GTSF1: variants seen among roughly 807,000 people sequenced by gnomAD.
The protein encoded by GTSF1 is gametocyte specific factor 1.
Under a neutral mutation model 28.9 loss-of-function variants are expected in GTSF1, and 11 were observed. The observed-to-expected ratio is 0.38, with a 90% CI of 0.24 to 0.63. The LOEUF is 0.63. Ranked by LOEUF, GTSF1 falls within the 30% of genes least tolerant of loss-of-function variation. The pLI is 0.56. For missense variants in GTSF1, 146 were observed against 201.0 expected, an observed-to-expected ratio of 0.73 and a Z score of 1.66; for synonymous variants, 69 against 65.6, an observed-to-expected ratio of 1.05 and a Z score of -0.25.
chr12:54,463,054 G>A (rs1565659057), intron 4 of GTSF1, 117 bp downstream of exon 4: 1 of 998,428 alleles, frequency 1.0e-6, no homozygotes, highest in African/African-American at 1.6e-5. Context: ...CTCAAAGGTG[G>A]AAAAGTATTG....
rs2120748544 is a variant in GTSF1, at chr12:54,462,171, A to C, written c.330T>G (p.Asp110Glu). 2 of 1,612,714 alleles carry C rather than the reference A, an allele frequency of 1.2e-6. No homozygotes were observed. The highest frequency in any genetic ancestry group is 2.2e-5 in the South Asian group (2 of 91,040). ...CPPCDEDWDK[D>E]LWEQTSTPFV... ...ATGGGGTGCTGGTCTGCTCCCACAA[A>C]TCTGTTAAAGGAAGCAAAACATAGT... is the stretch of plus-strand genomic sequence containing the variant. The change falls in exon 6 of 9, where the codon GAT (aspartate) becomes GAG (glutamate). Residue 110 changes from aspartate to glutamate, a missense_variant and splice_region_variant. Coordinates refer to ENST00000305879, the MANE Select transcript of GTSF1 (RefSeq NM_144594.3).
chr12:54,460,815 C>T lies in GTSF1; in HGVS notation c.393-344G>A, dbSNP rs191252693. On this transcript the variant is annotated intron_variant, in intron 6 of 8. Coordinates refer to ENST00000305879, the MANE Select transcript of GTSF1 (RefSeq NM_144594.3). ...AAATAAAGTGCTAAGGCAACCAAAC[C>T]AAAAGCAGCAAATCTTCAACTGAGG... 3.7e-3 allele frequency among the ~76,000 whole-genome samples: 568 copies of T among 152,286 alleles called. 2 individuals carry two copies. Among genetic ancestry groups the T allele is most frequent in the African/African-American group, 0.013 (554 of 41,564 alleles).
intron 6 of GTSF1, among the ~76,000 whole-genome samples, chr12:54,461,705 C>G (rs1956425541): frequency 1.3e-5 from 2 of 152,108 alleles, no homozygotes; most frequent in South Asian, 2.1e-4. Context: ...AATAGGTACT[C>G]TGGATTTTCC....
At chr12:54,458,187 G>A (rs965229557) in intron 8 of GTSF1, among the ~76,000 whole-genome samples, 1 of 152,138 alleles carries the variant, frequency 6.6e-6, no homozygotes, top group Non-Finnish European at 1.5e-5. Context: ...CAGCCAAGAC[G>A]ACATTTGAAG....
chr12:54,471,126 G>A (rs1382746170), intron 2 of GTSF1, 107 bp downstream of exon 2: 2 of 741,246 alleles, frequency 2.7e-6, no homozygotes, highest in Non-Finnish European at 4.1e-6. Context: ...TTCCTCCTTA[G>A]CAGTTGAGAA....
intron 2 of GTSF1, among the ~76,000 whole-genome samples, chr12:54,467,516 TGTTGGTCAG>T (rs1956537402): frequency 6.6e-6 from 1 of 152,094 alleles, no homozygotes; most frequent in Admixed American, 6.5e-5. Flanking sequence ...GGTTTCATCA[TGTTGGTCAG>T]GTTGGTCTTG....
In GTSF1 at chr12:54,459,042, T is replaced by G. The variant is rs1956378016; in HGVS notation, c.*20+47A>C. The G allele has an allele frequency of 2.9e-6, 4 of 1,372,316 alleles. No individual in the cohort carries two copies. The Admixed American group carries it at 7.9e-5, about 27-fold the overall frequency. 85.0% of individuals were successfully genotyped at this position (1,372,316 alleles called of 1,614,324 possible). On this transcript the variant is annotated intron_variant, in intron 8 of 8. Transcript: ENST00000305879. ...CCAAATTGCTTTATGTCCAGTTAAA[T>G]CTTGCTACCATCTGAAGAGACAGTG...
At chr12:54,466,009 AG>A (rs1285735841) in intron 2 of GTSF1, among the ~76,000 whole-genome samples, 1 of 152,250 alleles carries the variant, frequency 6.6e-6, no homozygotes, top group Non-Finnish European at 1.5e-5. Flanking sequence ...CTAAAAAAAT[AG>A]GAACAATGTG....
chr12:54,459,168 G>A, intron 7 of GTSF1, 43 bp from the exon 8 acceptor site: 7 of 1,571,260 alleles, frequency 4.5e-6, no homozygotes, highest in Non-Finnish European at 5.2e-6. Flanking sequence ...CATGTCAATT[G>A]AAATTCACTC....
At chr12:54,465,202 T>C (rs772911413) in intron 2 of GTSF1, 35 bp from the exon 3 acceptor site, 1 of 1,403,326 alleles carries the variant, frequency 7.1e-7, no homozygotes, top group South Asian at 1.2e-5. Context: ...GGTAAAACGA[T>C]AATAGGCCCT....
intron 8 of GTSF1, among the ~76,000 whole-genome samples, chr12:54,458,572 A>G (rs543448120): frequency 2.6e-5 from 4 of 152,014 alleles, no homozygotes; most frequent in African/African-American, 9.6e-5. Flanking sequence ...GGGTTTCACC[A>G]TGTTGGCCAG....
intron 5 of GTSF1, among the ~76,000 whole-genome samples, chr12:54,462,433 G>A (rs1956437307): frequency 6.6e-6 from 1 of 152,170 alleles, no homozygotes; most frequent in South Asian, 2.1e-4. Flanking sequence ...AAAAACAGAT[G>A]TAAAGAAGTG....
At chr12:54,460,508 G>C in intron 6 of GTSF1, 37 bp from the exon 7 acceptor site, 1 of 1,420,284 alleles carries the variant, frequency 7.0e-7, no homozygotes, top group Non-Finnish European at 9.9e-7. Flanking sequence ...CGGCAGATCA[G>C]TATCATTCAA....
At chr12:54,456,500 T>C (rs540223853) in intron 8 of GTSF1, among the ~76,000 whole-genome samples, 2 of 152,340 alleles carry the variant, frequency 1.3e-5, no homozygotes, top group East Asian at 3.9e-4. Context: ...CATACTGTAT[T>C]TACTCATTAG....
intron 8 of GTSF1, among the ~76,000 whole-genome samples, chr12:54,458,618 C>A (rs569582822): frequency 6.6e-6 from 1 of 152,146 alleles, no homozygotes; most frequent in Non-Finnish European, 1.5e-5. Context: ...ATGGTCTGCC[C>A]GCCTTGGTCT....
chr12:54,465,283 T>G, intron 2 of GTSF1, 116 bp from the exon 3 acceptor site: 1 of 546,924 alleles, frequency 1.8e-6, no homozygotes, highest in Non-Finnish European at 3.3e-6. Context: ...CAATATAGTC[T>G]AAAGAAAACT....
rs554120077 is a variant in GTSF1 at position 54,459,947 on chromosome 12, C to T, written c.487+430G>A. Among the ~76,000 whole-genome samples the T allele has an allele frequency of 1.2e-3, 144 of 122,778 alleles. 5 individuals carry two copies. The highest frequency in any genetic ancestry group is 6.1e-3 in the South Asian group (24 of 3,920). The allele number at this position is 122,778 out of a possible 152,430, so 80.5% of individuals were successfully genotyped here. On this transcript the variant is annotated intron_variant, in intron 7 of 8. Transcript: ENST00000305879. ...TTCACCGTTTTAGCCGGGATGGTCTCGATCTCCTGACCTCGTGATCCGCCC... is the reference window on the plus strand; with the variant it reads ...TTCACCGTTTTAGCCGGGATGGTCTTGATCTCCTGACCTCGTGATCCGCCC...
chr12:54,459,517 CTA>C (rs933323157), intron 7 of GTSF1: 17 of 1,145,964 alleles, frequency 1.5e-5, no homozygotes, highest in Non-Finnish European at 1.9e-5. Context: ...TGGGTGTTCT[CTA>C]TGTGGAAATT....
intron 6 of GTSF1, 97 bp downstream of exon 6, chr12:54,462,012 T>C: frequency 1.2e-6 from 1 of 823,856 alleles, no homozygotes; most frequent in Non-Finnish European, 2.0e-6. Context: ...AGGAACATCG[T>C]TAAAGAAAGT....
Sources: allele counts gnomAD v4.1 joint callset (sites outside exome capture counted in the v4.1 genomes callset), GRCh38; gene constraint gnomAD v4.1.1; transcripts MANE v1.5; gene names NCBI Gene and HGNC (gene_info 2026-07-23, HGNC 2026-07-21).